KIAA1671: variants seen among roughly 807,000 people sequenced by gnomAD.
KIAA1671 encodes KIAA1671.
A neutral mutation model predicts 131.2 loss-of-function variants in KIAA1671; 52 were observed. The ratio of observed to expected loss-of-function variants is 0.40; its 90% confidence interval spans 0.32 to 0.50. The LOEUF (loss-of-function observed/expected upper bound fraction) is 0.50, where lower values mean the gene tolerates loss of function less well. Among genes scored for constraint, KIAA1671 ranks in the 20% least tolerant of loss-of-function variants. KIAA1671 has a pLI of 0.73. For synonymous variants in KIAA1671, 1,003 were observed against 961.6 expected, an observed-to-expected ratio of 1.04 and a Z score of -0.80; for missense variants, 2,360 against 2,364.2, an observed-to-expected ratio of 1.00 and a Z score of 0.04.
chr22:25,072,453 T>G (rs1483820994), intron 6 of KIAA1671, among the ~76,000 whole-genome samples: 1 of 151,874 alleles, frequency 6.6e-6, no homozygotes, highest in Non-Finnish European at 1.5e-5. Flanking sequence ...CCTGGGGGAG[T>G]GAGGAGCCAC....
intron 6 of KIAA1671, among the ~76,000 whole-genome samples, chr22:25,127,165 A>G (rs1340510870): frequency 1.3e-5 from 2 of 152,172 alleles, no homozygotes; most frequent in African/African-American, 4.8e-5. Context: ...AATACTCTTC[A>G]TGGTGGTGAG....
chr22:25,038,723 C>T, intron 4 of KIAA1671, 37 bp from the exon 5 acceptor site: 3 of 1,506,924 alleles, frequency 2.0e-6, no homozygotes, highest in Non-Finnish European at 2.7e-6. Flanking sequence ...AATCCTTAAA[C>T]ACTGAGGTGT....
chr22:25,063,683 C>T (rs979638776), intron 6 of KIAA1671: 12 of 152,264 alleles, frequency 7.9e-5, no homozygotes, highest in East Asian at 5.8e-4. Context: ...TAACCAAAAA[C>T]GACCTGTACT....
intron 1 of KIAA1671, among the ~76,000 whole-genome samples, chr22:24,987,710 A>T (rs118061726): frequency 2.0e-5 from 3 of 152,080 alleles, no homozygotes; most frequent in Admixed American, 1.3e-4. Flanking sequence ...TCCCACCTCA[A>T]CCTCCAGAGT....
In KIAA1671 at chr22:25,145,677, G is replaced by T. The variant is rs369224347; in HGVS notation, c.4531-25143G>T. ...CTAGAGGCCGGGCACAATGGCTCAC[G>T]CCTGTAATCCCAGCATTTTGGGAAG... On this transcript the variant is annotated intron_variant, in intron 6 of 12. Transcript: ENST00000358431. 3.0e-4 allele frequency among the ~76,000 whole-genome samples: 46 copies of T among 152,282 alleles called. 1 individual carries two copies. In the Middle Eastern group the frequency reaches 0.014, roughly 45 times the overall value.
At chr22:24,972,448 TCATGCATGCACG>T (rs1007911794) in intron 1 of KIAA1671, among the ~76,000 whole-genome samples, 2 of 152,080 alleles carry the variant, frequency 1.3e-5, no homozygotes, top group African/African-American at 4.8e-5. Context: ...ATTCATCCAC[TCATGCATGCACG>T]CATGCATGCA....
At chr22:25,147,179 T>G (rs866276090) in intron 6 of KIAA1671, among the ~76,000 whole-genome samples, 1 of 101,884 alleles carries the variant, frequency 9.8e-6, no homozygotes, top group African/African-American at 5.8e-5. Context: ...TTTATTTTAT[T>G]TTATTTTATT....
At chr22:25,014,848 C>T (rs929619724) in intron 1 of KIAA1671, 5 of 152,186 alleles carry the variant, frequency 3.3e-5, no homozygotes, top group African/African-American at 1.2e-4. Flanking sequence ...AAGAGGACAT[C>T]ACACCCTTGG....
intron 6 of KIAA1671, among the ~76,000 whole-genome samples, chr22:25,140,637 G>A (rs769287142): frequency 6.6e-6 from 1 of 152,236 alleles, no homozygotes; most frequent in Non-Finnish European, 1.5e-5. Flanking sequence ...AGGGATCCTG[G>A]GAGGGGCACC....
chr22:25,166,907 T>C (rs1933665404), intron 6 of KIAA1671, among the ~76,000 whole-genome samples: 2 of 152,156 alleles, frequency 1.3e-5, no homozygotes, highest in South Asian at 4.2e-4. Context: ...GCATCCACCT[T>C]GCAGCCTCGG....
chr22:25,093,735 A>ATTT (rs1930158706), intron 6 of KIAA1671, among the ~76,000 whole-genome samples: 13 of 27,812 alleles, frequency 4.7e-4, no homozygotes, highest in African/African-American at 3.1e-3. Flanking sequence ...ACACACACAC[A>ATTT]CACTCTCTCT....
chr22:25,058,080 CT>C (rs1927952569), intron 6 of KIAA1671: 1 of 152,166 alleles, frequency 6.6e-6, no homozygotes, highest in African/African-American at 2.4e-5. Context: ...TAGATTTCTT[CT>C]TCTGGAAATG....
intron 4 of KIAA1671, among the ~76,000 whole-genome samples, chr22:25,034,613 G>A (rs1926487853): frequency 6.6e-6 from 1 of 152,132 alleles, no homozygotes; most frequent in African/African-American, 2.4e-5. Context: ...ACCTTTTGAT[G>A]GACAATTGGG....
chr22:25,185,024 C>A lies in KIAA1671; in HGVS notation c.5247C>A (p.Pro1749=). ...RPEVDSPGET[P]SWAPQPKSPK... ...AGGTGGACAGTCCTGGCGAGACCCC[C>A]AGCTGGGCACCCCAACCCAAGAGCC... is the stretch of plus-strand genomic sequence containing the variant. Residue 1749 remains proline, a synonymous_variant, in exon 11 of 13, where the codon CCC becomes CCA. Transcript: ENST00000358431. 6.4e-7 allele frequency: 1 copy of A among 1,551,702 alleles called. No homozygotes were observed.
intron 1 of KIAA1671, among the ~76,000 whole-genome samples, chr22:24,983,252 G>A (rs528139778): frequency 9.9e-5 from 15 of 152,274 alleles, no homozygotes; most frequent in African/African-American, 3.4e-4. Context: ...TGTGTTTTCC[G>A]ACTTTCTTGA....
At chr22:24,979,510 C>T (rs868791580) in intron 1 of KIAA1671, among the ~76,000 whole-genome samples, 7 of 151,324 alleles carry the variant, frequency 4.6e-5, no homozygotes, top group Admixed American at 1.3e-4. Context: ...CCACCGCGCC[C>T]GGCTAATTTT....
intron 6 of KIAA1671, chr22:25,064,364 G>C (rs777200206): frequency 1.3e-5 from 2 of 152,258 alleles, no homozygotes; most frequent in Non-Finnish European, 2.9e-5. Context: ...CCCCGCATAA[G>C]ATGTGTTGAG....
intron 1 of KIAA1671, among the ~76,000 whole-genome samples, chr22:25,005,232 C>T (rs1009288597): frequency 6.6e-6 from 1 of 151,034 alleles, no homozygotes; most frequent in Non-Finnish European, 1.5e-5. Flanking sequence ...CGTGTAGTCC[C>T]AGCTACTCAG....
At chr22:24,993,037 A>G (rs554744245) in intron 1 of KIAA1671, among the ~76,000 whole-genome samples, 1 of 151,340 alleles carries the variant, frequency 6.6e-6, no homozygotes, top group Admixed American at 6.6e-5. Flanking sequence ...CCTGACTCAG[A>G]CTCCCAGTTG....
Sources: allele counts gnomAD v4.1 joint callset (sites outside exome capture counted in the v4.1 genomes callset), GRCh38; gene constraint gnomAD v4.1.1; transcripts MANE v1.5; gene names NCBI Gene and HGNC (gene_info 2026-07-23, HGNC 2026-07-21).